The following RNLS variants were observed in gnomAD, a reference collection of about 807,000 sequenced individuals.
RNLS encodes renalase.
In RNLS, 39 loss-of-function variants were observed where a neutral mutation model predicts 39.8. The observed-to-expected ratio is 0.98, with a 90% CI of 0.76 to 1.28. The LOEUF (loss-of-function observed/expected upper bound fraction) is 1.28, where lower values mean the gene tolerates loss of function less well. Among genes scored for constraint, RNLS ranks in the 50% most tolerant of loss-of-function variants. The pLI is 0.00. For missense variants in RNLS, 410 were observed against 413.3 expected (o/e 0.99, Z 0.07); for synonymous variants, 147 against 150.7 (o/e 0.98, Z 0.18).
At chr10:88,483,636 G>A (rs549664660) in intron 4 of RNLS, among the ~76,000 whole-genome samples, 17 of 151,936 alleles carry the variant, frequency 1.1e-4, no homozygotes, top group South Asian at 8.3e-4. Context: ...TAGAAGTTGC[G>A]TTTTTTATAT....
At chr10:88,485,444 A>C (rs1046491213) in intron 4 of RNLS, among the ~76,000 whole-genome samples, 4 of 151,914 alleles carry the variant, frequency 2.6e-5, no homozygotes, top group Admixed American at 2.6e-4. Flanking sequence ...ACTATATATA[A>C]GAATTCATTC....
rs575671975 is a variant in RNLS, at chr10:88,471,931, G to T, written c.526+100972C>A. 9.5e-4 allele frequency among the ~76,000 whole-genome samples: 144 copies of T among 152,022 alleles called. 3 individuals are homozygous for T. The South Asian group carries it at 0.029, about 31-fold the overall frequency. ...ACTGACCTCAGCTACTGAGATTCCA[G>T]CCTCCCCCTACCTAAAAGAAAAAAA... On this transcript the variant is annotated intron_variant, in intron 4 of 6. Transcript: ENST00000331772.
chr10:88,288,880 G>C (rs534652684), intron 6 of RNLS, among the ~76,000 whole-genome samples: 1 of 152,198 alleles, frequency 6.6e-6, no homozygotes, highest in African/African-American at 2.4e-5. Flanking sequence ...CCCATGTAAA[G>C]TAAGAGCCCT....
chr10:88,484,827 T>A (rs753995225), intron 4 of RNLS, among the ~76,000 whole-genome samples: 1 of 151,890 alleles, frequency 6.6e-6, no homozygotes, highest in Non-Finnish European at 1.5e-5. Context: ...AGAAAAAAAA[T>A]ACAAGACATT....
At chr10:88,366,573 C>T (rs1850115677) in intron 4 of RNLS, among the ~76,000 whole-genome samples, 1 of 138,446 alleles carries the variant, frequency 7.2e-6, no homozygotes, top group Non-Finnish European at 1.5e-5. Context: ...TGGAGTCACT[C>T]ATGCTAATGT....
At chr10:88,230,276 T>C in the RNLS span, among the ~76,000 whole-genome samples, 13 of 152,216 alleles carry the variant, frequency 8.5e-5, no homozygotes, top group Admixed American at 8.5e-4. Flanking sequence ...ACAGACCTGC[T>C]GCAGGTAACA....
At chr10:88,447,648 G>GA (rs1266024701) in intron 4 of RNLS, among the ~76,000 whole-genome samples, 1 of 152,066 alleles carries the variant, frequency 6.6e-6, no homozygotes, top group Non-Finnish European at 1.5e-5. Flanking sequence ...CACAGAATTG[G>GA]AAAAAACTAC....
At chr10:88,253,224 T>A in the RNLS span, among the ~76,000 whole-genome samples, 1 of 152,030 alleles carries the variant, frequency 6.6e-6, no homozygotes, top group African/African-American at 2.4e-5. Flanking sequence ...GTCTCAGGGG[T>A]CTGTCTCTGG....
intron 4 of RNLS, among the ~76,000 whole-genome samples, chr10:88,408,361 CAT>C (rs1375333910): frequency 2.0e-5 from 3 of 152,010 alleles, no homozygotes; most frequent in Middle Eastern, 3.2e-3. Context: ...CTCCAAAATT[CAT>C]ATGTTAGAAC....
At chr10:88,390,369 G>C (rs994691816) in intron 4 of RNLS, among the ~76,000 whole-genome samples, 1 of 152,128 alleles carries the variant, frequency 6.6e-6, no homozygotes, top group Non-Finnish European at 1.5e-5. Context: ...ATATTCGTTC[G>C]TCTGAATGCA....
At chr10:88,452,367 T>C (rs1046257506) in intron 4 of RNLS, among the ~76,000 whole-genome samples, 2 of 152,202 alleles carry the variant, frequency 1.3e-5, no homozygotes, top group Non-Finnish European at 2.9e-5. Context: ...ATTACTATAA[T>C]CACACACTGC....
At chr10:88,312,362 C>A (rs762963071) in intron 6 of RNLS, among the ~76,000 whole-genome samples, 3 of 152,288 alleles carry the variant, frequency 2.0e-5, no homozygotes, top group Middle Eastern at 3.4e-3. Flanking sequence ...AAAATGGATT[C>A]TCTCCTAGGG....
intron 4 of RNLS, among the ~76,000 whole-genome samples, chr10:88,429,643 T>C (rs1855020783): frequency 6.6e-6 from 1 of 151,900 alleles, no homozygotes; most frequent in Non-Finnish European, 1.5e-5. Flanking sequence ...AGTTTTGTAA[T>C]TTTAGGTTTT....
the RNLS span, among the ~76,000 whole-genome samples, chr10:88,192,205 C>G: frequency 2.0e-5 from 3 of 152,004 alleles, no homozygotes; most frequent in African/African-American, 7.2e-5. Context: ...ACCTTGCTGC[C>G]TGGATAACAT....
At chr10:88,536,163 G>A (rs1461525559) in intron 4 of RNLS, among the ~76,000 whole-genome samples, 2 of 151,742 alleles carry the variant, frequency 1.3e-5, no homozygotes, top group East Asian at 3.9e-4. Context: ...TATAATAGTG[G>A]TACCTCCCTC....
At chr10:88,431,635 G>A (rs1332974929) in intron 4 of RNLS, among the ~76,000 whole-genome samples, 1 of 151,520 alleles carries the variant, frequency 6.6e-6, no homozygotes. Context: ...CCAACATATT[G>A]GTTTAGCAGT....
chr10:88,224,888 T>A, the RNLS span, among the ~76,000 whole-genome samples: 1 of 152,300 alleles, frequency 6.6e-6, no homozygotes, highest in Non-Finnish European at 1.5e-5. Flanking sequence ...CCCCAACCAC[T>A]CCTATGAGAT....
At chr10:88,213,390 T>C in the RNLS span, among the ~76,000 whole-genome samples, 2 of 151,870 alleles carry the variant, frequency 1.3e-5, no homozygotes, top group Non-Finnish European at 2.9e-5. Context: ...CCCCTTTATT[T>C]CTGGCCCTAC....
chr10:88,230,119 A>C, the RNLS span, among the ~76,000 whole-genome samples: 2 of 152,220 alleles, frequency 1.3e-5, no homozygotes, highest in Non-Finnish European at 2.9e-5. Flanking sequence ...AGATGAGTCA[A>C]TCTTCTCTGA....
Sources: gnomAD v4.1 joint callset for allele counts (sites outside exome capture counted in the v4.1 genomes callset) on GRCh38, gnomAD v4.1.1 for gene constraint, MANE v1.5 for transcripts, NCBI Gene and HGNC (gene_info 2026-07-23, HGNC 2026-07-21) for gene names.